TBCK: variants seen among roughly 807,000 people sequenced by gnomAD.
TBCK encodes TBC domain-containing protein kinase-like protein.
Under a neutral mutation model 113.4 loss-of-function variants are expected in TBCK, and 99 were observed. The ratio of observed to expected loss-of-function variants is 0.87; its 90% confidence interval spans 0.74 to 1.03. The LOEUF is 1.03. TBCK is among the 50% of genes least tolerant of loss of function. The probability of loss-of-function intolerance (pLI) is 0.00; values close to 1 mark genes in which losing one functional copy is unlikely to be tolerated. For missense variants in TBCK, 1,045 were observed against 1,061.3 expected (o/e 0.98, Z 0.21); for synonymous variants, 369 against 370.8 (o/e 1.00, Z 0.05).
intron 3 of TBCK, among the ~76,000 whole-genome samples, chr4:106,282,089 A>G (rs967000724): frequency 6.6e-6 from 1 of 152,054 alleles, no homozygotes; most frequent in Non-Finnish European, 1.5e-5. Flanking sequence ...ATTACTGGTT[A>G]TAGGTCTGTT....
At chr4:106,229,106 C>T (rs1371762520) in intron 19 of TBCK, among the ~76,000 whole-genome samples, 2 of 151,758 alleles carry the variant, frequency 1.3e-5, no homozygotes, top group Non-Finnish European at 2.9e-5. Flanking sequence ...GATTTTTTTT[C>T]TATAGAGTTA....
intron 23 of TBCK, among the ~76,000 whole-genome samples, chr4:106,162,030 A>C (rs1749861501): frequency 6.6e-6 from 1 of 152,126 alleles, no homozygotes; most frequent in Non-Finnish European, 1.5e-5. Flanking sequence ...GAGACAAAGC[A>C]GTCTCTTCTA....
intron 25 of TBCK, among the ~76,000 whole-genome samples, chr4:106,056,853 C>A (rs934140875): frequency 1.3e-5 from 2 of 151,638 alleles, no homozygotes; most frequent in Non-Finnish European, 3.0e-5. Flanking sequence ...TTTAAAATTT[C>A]TTTTTGGAAG....
intron 23 of TBCK, among the ~76,000 whole-genome samples, chr4:106,170,759 C>T (rs1750890626): frequency 6.6e-6 from 1 of 151,958 alleles, no homozygotes; most frequent in African/African-American, 2.4e-5. Flanking sequence ...AGTTCCTGCT[C>T]TATTAACAAC....
intron 23 of TBCK, among the ~76,000 whole-genome samples, chr4:106,168,570 G>C (rs771262187): frequency 2.0e-5 from 3 of 151,870 alleles, no homozygotes; most frequent in Non-Finnish European, 2.9e-5. Context: ...TTCAAATAAT[G>C]TGATCATATA....
intron 2 of TBCK, among the ~76,000 whole-genome samples, chr4:106,296,332 T>C (rs749116095): frequency 3.3e-4 from 50 of 152,060 alleles, no homozygotes; most frequent in Non-Finnish European, 5.0e-4. Context: ...AGAATAAGTT[T>C]AACACAAAAC....
intron 23 of TBCK, among the ~76,000 whole-genome samples, chr4:106,154,058 T>C (rs1385953897): frequency 6.6e-6 from 1 of 152,120 alleles, no homozygotes. Flanking sequence ...TTCCATTTAC[T>C]TTCAGTATTA....
At chr4:106,118,182 T>G (rs1441614516) in intron 23 of TBCK, among the ~76,000 whole-genome samples, 1 of 152,180 alleles carries the variant, frequency 6.6e-6, no homozygotes, top group Non-Finnish European at 1.5e-5. Context: ...ATTCTACACT[T>G]AGAATATCCA....
At chr4:106,063,151 T>C (rs954210024) in intron 25 of TBCK, among the ~76,000 whole-genome samples, 7 of 152,092 alleles carry the variant, frequency 4.6e-5, no homozygotes, top group African/African-American at 1.7e-4. Flanking sequence ...TATTTTCTTA[T>C]AATCTAATAT....
chr4:106,099,863 A>G (rs1741341980), intron 24 of TBCK, among the ~76,000 whole-genome samples: 1 of 152,168 alleles, frequency 6.6e-6, no homozygotes, highest in Non-Finnish European at 1.5e-5. Context: ...AAAAATTTAA[A>G]AGCAAAGTGT....
intron 3 of TBCK, among the ~76,000 whole-genome samples, chr4:106,279,870 T>A (rs565580757): frequency 6.6e-5 from 10 of 152,306 alleles, no homozygotes; most frequent in African/African-American, 1.9e-4. Flanking sequence ...TCTTGGCTAT[T>A]GTGAACAGTG....
At chr4:106,104,258 C>G (rs1396741175) in intron 24 of TBCK, among the ~76,000 whole-genome samples, 1 of 152,244 alleles carries the variant, frequency 6.6e-6, no homozygotes, top group Non-Finnish European at 1.5e-5. Context: ...TGGCACCTCA[C>G]AAGATAAGAC....
rs200058536 is a variant in TBCK, at chr4:106,295,141, A to G, written c.219T>C (p.His73=). The G allele has an allele frequency of 5.0e-6, 8 of 1,613,634 alleles. No homozygotes were observed. The African/African-American group carries it at 9.3e-5, about 19-fold the overall frequency. ...KHERLVVVAE[H]CERSLEDLLR... ...GCAAGTCTTCCAGACTACGTTCACA[A>G]TGTTCAGCCACGACCACTAGTCGTT... is the stretch of plus-strand genomic sequence containing the variant. Residue 73 remains histidine (H), a synonymous_variant, in exon 3 of 26, where the codon CAT becomes CAC. Transcript: ENST00000394708.
intron 25 of TBCK, among the ~76,000 whole-genome samples, chr4:106,076,840 T>A (rs557415205): frequency 3.3e-5 from 5 of 152,290 alleles, no homozygotes; most frequent in African/African-American, 1.2e-4. Context: ...CAGTGGCTCA[T>A]GCTTATAATC....
At chr4:106,070,522 A>G (rs369257583) in intron 25 of TBCK, among the ~76,000 whole-genome samples, 2 of 152,056 alleles carry the variant, frequency 1.3e-5, no homozygotes, top group African/African-American at 2.4e-5. Context: ...GCTTTTTGAT[A>G]TGCTGCTGGA....
At chr4:106,215,115 A>C (rs1756707555) in intron 19 of TBCK, among the ~76,000 whole-genome samples, 1 of 151,494 alleles carries the variant, frequency 6.6e-6, no homozygotes, top group African/African-American at 2.4e-5. Flanking sequence ...CAGCCAAACT[A>C]AGCTTCATAA....
chr4:106,085,083 T>C (rs1739345802), intron 25 of TBCK, among the ~76,000 whole-genome samples: 1 of 152,116 alleles, frequency 6.6e-6, no homozygotes, highest in Non-Finnish European at 1.5e-5. Flanking sequence ...CAGGATCAAA[T>C]TCACACATAA....
chr4:106,120,086 T>TG (rs1235621968), intron 23 of TBCK, among the ~76,000 whole-genome samples: 4 of 152,030 alleles, frequency 2.6e-5, no homozygotes, highest in African/African-American at 9.7e-5. Flanking sequence ...TGCCAGACAG[T>TG]GGGCGCAGGT....
intron 3 of TBCK, among the ~76,000 whole-genome samples, chr4:106,294,275 C>T (rs749629362): frequency 1.8e-4 from 27 of 151,822 alleles, no homozygotes; most frequent in Non-Finnish European, 3.1e-4. Flanking sequence ...CCACAACCTC[C>T]GCCCCGCGGG....
Sources: gnomAD v4.1 joint callset for allele counts (sites outside exome capture counted in the v4.1 genomes callset) on GRCh38, gnomAD v4.1.1 for gene constraint, MANE v1.5 for transcripts, NCBI Gene and HGNC (gene_info 2026-07-23, HGNC 2026-07-21) for gene names.